The following CDKL4 variants were observed in gnomAD, a reference collection of about 807,000 sequenced individuals.
CDKL4 encodes cyclin-dependent kinase-like 4.
CDKL4 carries 44 observed loss-of-function variants against 42.0 expected under a neutral mutation model. That is an observed-to-expected ratio of 1.05 (90% CI 0.82 to 1.35). The LOEUF is 1.35. Among genes scored for constraint, CDKL4 ranks in the 40% most tolerant of loss-of-function variants. CDKL4 has a pLI of 0.00. For synonymous variants in CDKL4, 120 were observed against 121.6 expected, an observed-to-expected ratio of 0.99 and a Z score of 0.09; for missense variants, 393 against 369.9, an observed-to-expected ratio of 1.06 and a Z score of -0.51.
At chr2:39,178,698 C>T in intron 9 of CDKL4, 2 of 1,609,316 alleles carry the variant, frequency 1.2e-6, no homozygotes, top group South Asian at 1.1e-5. Context: ...GGTTTCATTC[C>T]TTTGTACCTG....
chr2:39,180,059 A>G (rs771303525), intron 8 of CDKL4, among the ~76,000 whole-genome samples: 8 of 152,160 alleles, frequency 5.3e-5, no homozygotes, highest in Non-Finnish European at 1.2e-4. Flanking sequence ...CTGATACTCC[A>G]GCCAGACAGT....
chr2:39,171,295 G>C (rs892871475), downstream of CDKL4, among the ~76,000 whole-genome samples: 1 of 150,430 alleles, frequency 6.6e-6, no homozygotes, highest in African/African-American at 2.4e-5. Flanking sequence ...AAATCTGCAA[G>C]TGCAATGAAG....
chr2:39,213,253 G>T, intron 4 of CDKL4, 147 bp downstream of exon 4: 1 of 545,120 alleles, frequency 1.8e-6, no homozygotes, highest in Non-Finnish European at 3.3e-6. Flanking sequence ...CCAAGGTGCT[G>T]GGATTACTGG....
chr2:39,171,837 G>T (rs914033868), downstream of CDKL4, among the ~76,000 whole-genome samples: 1 of 152,170 alleles, frequency 6.6e-6, no homozygotes, highest in Non-Finnish European at 1.5e-5. Context: ...CCATGATGGC[G>T]CAGTATTTGG....
chr2:39,241,972 G>C (rs968573336), intron 1 of CDKL4, among the ~76,000 whole-genome samples: 1 of 151,898 alleles, frequency 6.6e-6, no homozygotes, highest in African/African-American at 2.4e-5. Context: ...AAGAAATCAA[G>C]ATTAAATGGT....
intron 5 of CDKL4, among the ~76,000 whole-genome samples, chr2:39,202,835 T>C (rs530279773): frequency 1.3e-5 from 2 of 152,338 alleles, no homozygotes; most frequent in South Asian, 4.1e-4. Context: ...TTTGCCTTTC[T>C]CATTATAAAT....
At chr2:39,176,493 G>A (rs1033355261) in intron 9 of CDKL4, among the ~76,000 whole-genome samples, 2 of 152,208 alleles carry the variant, frequency 1.3e-5, no homozygotes, top group South Asian at 2.1e-4. Context: ...GGAGTGCAAT[G>A]GTGCAATCTC....
chr2:39,228,159 GGA>G (rs1558581968), intron 2 of CDKL4, among the ~76,000 whole-genome samples: 2 of 152,148 alleles, frequency 1.3e-5, no homozygotes, highest in African/African-American at 4.8e-5. Flanking sequence ...TGAAGACTTG[GGA>G]CGGAGAGGCT....
intron 4 of CDKL4, among the ~76,000 whole-genome samples, chr2:39,207,139 G>T (rs540432647): frequency 1.3e-5 from 2 of 152,218 alleles, no homozygotes; most frequent in South Asian, 4.1e-4. Context: ...TAATACTTGC[G>T]CTTTGGGAGG....
intron 1 of CDKL4, among the ~76,000 whole-genome samples, chr2:39,234,868 CTATAGA>C (rs1679281279): frequency 6.6e-6 from 1 of 151,684 alleles, no homozygotes; most frequent in African/African-American, 2.4e-5. Context: ...AAGTGCAAAG[CTATAGA>C]TAAACATTTA....
At chr2:39,184,553 T>G (rs1018766090) in intron 8 of CDKL4, 38 bp downstream of exon 8, 3 of 1,477,874 alleles carry the variant, frequency 2.0e-6, no homozygotes, top group Admixed American at 1.7e-5. Flanking sequence ...GTCATTACAA[T>G]TTATAGCTAA....
chr2:39,178,643 C>A, intron 9 of CDKL4: 1 of 1,590,616 alleles, frequency 6.3e-7, no homozygotes, highest in East Asian at 2.3e-5. Flanking sequence ...CCATACTGTT[C>A]TGCAATATTG....
At chr2:39,239,301 A>G (rs916107655) in intron 1 of CDKL4, among the ~76,000 whole-genome samples, 1 of 152,334 alleles carries the variant, frequency 6.6e-6, no homozygotes, top group Admixed American at 6.5e-5. Context: ...AGTTATGCAG[A>G]TTTCTTAGAT....
chr2:39,196,369 C>T (rs928263689), intron 5 of CDKL4, among the ~76,000 whole-genome samples: 23 of 152,134 alleles, frequency 1.5e-4, no homozygotes, highest in Admixed American at 5.2e-4. Flanking sequence ...TTCCTAGTAC[C>T]AGCCCAGAGC....
intron 5 of CDKL4, among the ~76,000 whole-genome samples, chr2:39,197,655 C>A (rs886256596): frequency 3.9e-5 from 6 of 152,166 alleles, no homozygotes; most frequent in African/African-American, 1.4e-4. Context: ...AGAAACCCTA[C>A]AAGCTAGAGG....
intron 2 of CDKL4, 70 bp downstream of exon 2, chr2:39,229,295 T>A: frequency 8.8e-7 from 1 of 1,133,274 alleles, no homozygotes; most frequent in East Asian, 2.6e-5. Context: ...ACTTTAAAAT[T>A]CTTTGCAATT....
At chr2:39,197,185 A>G (rs1022679815) in intron 5 of CDKL4, among the ~76,000 whole-genome samples, 1 of 152,242 alleles carries the variant, frequency 6.6e-6, no homozygotes, top group African/African-American at 2.4e-5. Context: ...TGCAAAATGC[A>G]CTAGAAAGTC....
chr2:39,186,916 C>G (rs1675861761), intron 7 of CDKL4, among the ~76,000 whole-genome samples: 1 of 152,058 alleles, frequency 6.6e-6, no homozygotes, highest in Non-Finnish European at 1.5e-5. Context: ...ATAGATAAGA[C>G]AAGTAAACAT....
chr2:39,174,148 T>C (rs1021451407), downstream of CDKL4, among the ~76,000 whole-genome samples: 3 of 152,080 alleles, frequency 2.0e-5, no homozygotes, highest in African/African-American at 7.2e-5. Context: ...CGCACTCCCG[T>C]AATCCCAGCA....
Sources: gnomAD v4.1 joint callset for allele counts (sites outside exome capture counted in the v4.1 genomes callset) on GRCh38, gnomAD v4.1.1 for gene constraint, MANE v1.5 for transcripts, NCBI Gene and HGNC (gene_info 2026-07-23, HGNC 2026-07-21) for gene names.